The following TNRC6C variants were observed in gnomAD, a reference collection of about 807,000 sequenced individuals.
TNRC6C encodes trinucleotide repeat-containing gene 6C protein.
Under a neutral mutation model 153.7 loss-of-function variants are expected in TNRC6C, and 20 were observed. The observed-to-expected ratio is 0.13, with a 90% confidence interval of 0.09 to 0.19. The LOEUF (loss-of-function observed/expected upper bound fraction) is 0.19, where lower values mean the gene tolerates loss of function less well. Ranked by LOEUF, TNRC6C falls within the 10% of genes least tolerant of loss-of-function variation. The probability of loss-of-function intolerance (pLI) is 1.00; values close to 1 mark genes in which losing one functional copy is unlikely to be tolerated. For synonymous variants in TNRC6C, 811 were observed against 841.4 expected (o/e 0.96, Z 0.63); for missense variants, 1,987 against 2,172.0 (o/e 0.91, Z 1.69).
chr17:78,056,124 A>G (rs1338081524), intron 3 of TNRC6C, among the ~76,000 whole-genome samples: 1 of 151,388 alleles, frequency 6.6e-6, no homozygotes, highest in Non-Finnish European at 1.5e-5. Context: ...TGTTGGGATC[A>G]TAGGTGTGAG....
chr17:78,021,158 G>A (rs1193789851), intron 1 of TNRC6C, among the ~76,000 whole-genome samples: 2 of 152,226 alleles, frequency 1.3e-5, no homozygotes, highest in South Asian at 2.1e-4. Context: ...TGGAGCTCGA[G>A]GGCAACACTG....
chr17:78,028,694 C>G (rs537514243), intron 1 of TNRC6C, among the ~76,000 whole-genome samples: 1 of 152,078 alleles, frequency 6.6e-6, no homozygotes, highest in Non-Finnish European at 1.5e-5. Context: ...TCATGAACCA[C>G]CCCCCAATGT....
intron 1 of TNRC6C, among the ~76,000 whole-genome samples, chr17:78,020,933 C>T (rs1598697566): frequency 6.6e-6 from 1 of 152,212 alleles, no homozygotes; most frequent in Non-Finnish European, 1.5e-5. Flanking sequence ...ATTGCACAAG[C>T]TTTAAATACT....
At chr17:78,022,649 G>C (rs2143576110) in intron 1 of TNRC6C, among the ~76,000 whole-genome samples, 1 of 152,252 alleles carries the variant, frequency 6.6e-6, no homozygotes, top group East Asian at 1.9e-4. Flanking sequence ...GTTCCTGTCA[G>C]CTCAAATTCT....
chr17:78,004,056 C>G (rs1219011154), upstream of TNRC6C: 3 of 1,217,742 alleles, frequency 2.5e-6, no homozygotes, highest in Admixed American at 4.2e-5. Context: ...TCAGAGGGTC[C>G]TCCTGTATAC....
intron 7 of TNRC6C, among the ~76,000 whole-genome samples, chr17:78,073,358 A>C (rs1010317123): frequency 2.0e-5 from 3 of 152,214 alleles, no homozygotes; most frequent in Non-Finnish European, 4.4e-5. Flanking sequence ...AGGGAAGGTA[A>C]TAATGACACT....
intron 10 of TNRC6C, among the ~76,000 whole-genome samples, chr17:78,081,432 ATAAC>A (rs1449546631): frequency 9.8e-5 from 15 of 152,304 alleles, no homozygotes; most frequent in African/African-American, 2.9e-4. Context: ...AATTATCAAT[ATAAC>A]TAATACATGT....
chr17:77,958,157 GCGGGCGC>G (rs529324467), upstream of TNRC6C, among the ~76,000 whole-genome samples: 6 of 152,042 alleles, frequency 3.9e-5, no homozygotes, highest in South Asian at 6.2e-4. Flanking sequence ...GCGCGCCGGT[GCGGGCGC>G]CGGGCGCCGC....
In TNRC6C at chr17:78,038,265, A is replaced by G. The variant is rs143146413; in HGVS notation, c.-219+6423A>G. On this transcript the variant is annotated intron_variant, in intron 2 of 19. Transcript: ENST00000301624. ...TAAATAGCAAAAGATAAATATCTCA[A>G]AAATACCAAGTGTTCCGACAAATCA... 7.2e-5 allele frequency among the ~76,000 whole-genome samples: 11 copies of G among 152,358 alleles called. No homozygotes were observed. In the East Asian group the frequency reaches 1.7e-3, roughly 24 times the overall value.
intron 11 of TNRC6C, among the ~76,000 whole-genome samples, chr17:78,085,128 G>A (rs1208700657): frequency 6.6e-6 from 1 of 152,144 alleles, no homozygotes; most frequent in Non-Finnish European, 1.5e-5. Flanking sequence ...TACTGTAGAG[G>A]AAGATCGCTT....
intron 2 of TNRC6C, among the ~76,000 whole-genome samples, chr17:78,048,023 A>G (rs974392310): frequency 1.3e-5 from 2 of 152,202 alleles, no homozygotes; most frequent in African/African-American, 4.8e-5. Context: ...AGGGATCTCC[A>G]AAGAAAAGGC....
chr17:78,092,272 C>T (rs999599648), intron 14 of TNRC6C, among the ~76,000 whole-genome samples: 4 of 152,194 alleles, frequency 2.6e-5, no homozygotes, highest in African/African-American at 7.2e-5. Flanking sequence ...GGTTAACTTA[C>T]GGAAAATCAT....
chr17:78,057,721 G>T (rs928535874), intron 3 of TNRC6C, among the ~76,000 whole-genome samples: 1 of 152,120 alleles, frequency 6.6e-6, no homozygotes, highest in Non-Finnish European at 1.5e-5. Flanking sequence ...TGAATTTATA[G>T]AATTTTCACT....
chr17:78,029,808 G>GACACAC (rs57924935), intron 1 of TNRC6C, among the ~76,000 whole-genome samples: 48 of 146,366 alleles, frequency 3.3e-4, no homozygotes, highest in African/African-American at 6.0e-4. Flanking sequence ...TAAAAACCTA[G>GACACAC]ACACACACAC....
intron 2 of TNRC6C, among the ~76,000 whole-genome samples, chr17:78,036,520 G>A (rs2072181192): frequency 6.6e-6 from 1 of 152,170 alleles, no homozygotes; most frequent in African/African-American, 2.4e-5. Context: ...AAATGGGAAA[G>A]TTTTTAAAGA....
chr17:78,053,809 A>T lies in TNRC6C; in HGVS notation c.2395+2352A>T, dbSNP rs116911628. Among the ~76,000 whole-genome samples, 6 of 152,264 alleles carry T rather than the reference A, an allele frequency of 3.9e-5. 1 individual carries two copies. The East Asian group carries it at 1.2e-3, about 29-fold the overall frequency. ...CTACTTGGGAGGCTGAGGTGGAAGGATGGCTTGAGCCCAGGAGTTCAAAGC... is the reference window on the plus strand; with the variant it reads ...CTACTTGGGAGGCTGAGGTGGAAGGTTGGCTTGAGCCCAGGAGTTCAAAGC... On this transcript the variant is annotated intron_variant, in intron 3 of 19. Coordinates refer to ENST00000301624, the Ensembl canonical transcript of TNRC6C.
intron 3 of TNRC6C, among the ~76,000 whole-genome samples, chr17:78,063,033 G>C (rs2072799377): frequency 6.6e-6 from 1 of 151,978 alleles, no homozygotes; most frequent in Non-Finnish European, 1.5e-5. Context: ...ATCACTTGAG[G>C]TCAGGAGTTC....
intron 10 of TNRC6C, 38 bp from the exon 13 acceptor site, chr17:78,083,009 G>C: frequency 6.2e-7 from 1 of 1,608,736 alleles, no homozygotes; most frequent in East Asian, 2.2e-5. Context: ...TATTTTAACA[G>C]AGATACAACG....
rs535272505 is a variant in TNRC6C at position 78,101,065 on chromosome 17, C to T, written c.4502-1409C>T. Among the ~76,000 whole-genome samples, 309 of 152,266 alleles carry T rather than the reference C, an allele frequency of 2.0e-3. 4 individuals carry two copies. Among genetic ancestry groups the T allele is most frequent in the African/African-American group, 6.8e-3 (281 of 41,556 alleles). On this transcript the variant is annotated intron_variant, in intron 17 of 19. Coordinates refer to ENST00000301624, the Ensembl canonical transcript of TNRC6C. ...TGCTGGGATTACAGGCGTGAGCCAC[C>T]GTGCCTGGCCAATTTTCTGAACTTT...
Sources: gnomAD v4.1 joint callset for allele counts (sites outside exome capture counted in the v4.1 genomes callset) on GRCh38, gnomAD v4.1.1 for gene constraint, MANE v1.5 for transcripts, NCBI Gene and HGNC (gene_info 2026-07-23, HGNC 2026-07-21) for gene names.